CDH8: variants seen among roughly 807,000 people sequenced by gnomAD.
The protein encoded by CDH8 is cadherin-8.
In CDH8, 17 loss-of-function variants were observed where a neutral mutation model predicts 68.1. The ratio of observed to expected loss-of-function variants is 0.25; its 90% confidence interval spans 0.17 to 0.37. The LOEUF is 0.37. CDH8 is among the 10% of genes least tolerant of loss of function. The probability of loss-of-function intolerance (pLI) is 1.00; values close to 1 mark genes in which losing one functional copy is unlikely to be tolerated. For missense variants in CDH8, 763 were observed against 999.3 expected (o/e 0.76, Z 3.19); for synonymous variants, 372 against 365.1 (o/e 1.02, Z -0.21).
chr16:61,892,725 A>G (rs192713429), intron 3 of CDH8, among the ~76,000 whole-genome samples: 110 of 152,264 alleles, frequency 7.2e-4, no homozygotes, highest in African/African-American at 2.6e-3. Context: ...ACACCACATA[A>G]CAACAGGAGG....
intron 3 of CDH8, among the ~76,000 whole-genome samples, chr16:61,892,898 A>C (rs531317187): frequency 7.2e-5 from 11 of 152,280 alleles, no homozygotes; most frequent in Middle Eastern, 3.4e-3. Context: ...AGGGGAAAAA[A>C]CCAAAATGAA....
intron 4 of CDH8, among the ~76,000 whole-genome samples, chr16:61,830,550 C>T (rs935307479): frequency 6.6e-6 from 1 of 151,774 alleles, no homozygotes; most frequent in Non-Finnish European, 1.5e-5. Context: ...CGTTAAATAA[C>T]ATCCCGTTGC....
At chr16:61,661,928 G>A (rs914093947) in intron 10 of CDH8, among the ~76,000 whole-genome samples, 25 of 151,476 alleles carry the variant, frequency 1.7e-4, no homozygotes, top group Admixed American at 1.6e-3. Context: ...AGTACAAGAA[G>A]TTATAGTAGG....
chr16:61,692,388 T>C (rs1596871564), intron 10 of CDH8: 1 of 152,164 alleles, frequency 6.6e-6, no homozygotes, highest in East Asian at 1.9e-4. Flanking sequence ...GTCTATTATA[T>C]TGCTATTTTT....
At chr16:61,736,185 A>G (rs1052083955) in intron 8 of CDH8, among the ~76,000 whole-genome samples, 5 of 152,220 alleles carry the variant, frequency 3.3e-5, no homozygotes, top group African/African-American at 4.8e-5. Flanking sequence ...AGAAAGGTGG[A>G]CAATTGTTTC....
At chr16:61,882,544 A>G (rs1963597122) in intron 3 of CDH8, among the ~76,000 whole-genome samples, 1 of 152,224 alleles carries the variant, frequency 6.6e-6, no homozygotes. Flanking sequence ...AGGTGCCACA[A>G]AAAAGAATGA....
rs765144073 is a variant in CDH8 at position 61,924,965 on chromosome 16, C to G, written c.253-23492G>C. On this transcript the variant is annotated intron_variant, in intron 2 of 11. Transcript: ENST00000577390. ...ATGCAGTTGGTAATGTAAATATCAA[C>G]CAGGTAGAGGGTGTTACTCTGTATT... 1.1e-4 allele frequency among the ~76,000 whole-genome samples: 17 copies of G among 152,082 alleles called. No homozygotes were observed. The East Asian group carries it at 3.3e-3, about 29-fold the overall frequency.
chr16:61,693,340 T>C (rs1377826295), intron 10 of CDH8: 1 of 152,130 alleles, frequency 6.6e-6, no homozygotes, highest in African/African-American at 2.4e-5. Context: ...AGCAGAACTA[T>C]GCTCCTTGGT....
chr16:61,955,087 A>G (rs1231386316), intron 2 of CDH8, among the ~76,000 whole-genome samples: 1 of 152,222 alleles, frequency 6.6e-6, no homozygotes, highest in East Asian at 1.9e-4. Context: ...AAGGATTTGC[A>G]CCTAATAAAC....
intron 2 of CDH8, among the ~76,000 whole-genome samples, chr16:61,969,461 C>T (rs1028218881): frequency 5.9e-5 from 9 of 152,222 alleles, no homozygotes; most frequent in Admixed American, 1.3e-4. Context: ...AGAAGCCCTA[C>T]ATGGGCTTAT....
At chr16:61,908,404 C>T (rs1964099266) in intron 2 of CDH8, among the ~76,000 whole-genome samples, 1 of 152,134 alleles carries the variant, frequency 6.6e-6, no homozygotes, top group Admixed American at 6.5e-5. Flanking sequence ...GCTACTAGGA[C>T]AGCGAAAGGG....
At chr16:62,010,559 T>C (rs1386131708) in intron 2 of CDH8, among the ~76,000 whole-genome samples, 2 of 152,216 alleles carry the variant, frequency 1.3e-5, no homozygotes, top group East Asian at 1.9e-4. Context: ...GATGTGAAGA[T>C]TGAATAGGCA....
At chr16:61,862,327 G>A (rs186291419) in intron 3 of CDH8, among the ~76,000 whole-genome samples, 7 of 152,218 alleles carry the variant, frequency 4.6e-5, no homozygotes, top group Admixed American at 1.3e-4. Context: ...GCTAGACACC[G>A]GGCACATCAT....
At chr16:61,906,531 A>G (rs1171879043) in intron 2 of CDH8, among the ~76,000 whole-genome samples, 1 of 152,238 alleles carries the variant, frequency 6.6e-6, no homozygotes, top group Non-Finnish European at 1.5e-5. Context: ...CAGCACCATT[A>G]TACCCTCATC....
intron 1 of CDH8, among the ~76,000 whole-genome samples, chr16:62,023,424 T>A (rs1223015720): frequency 6.6e-6 from 1 of 152,162 alleles, no homozygotes; most frequent in Non-Finnish European, 1.5e-5. Context: ...CTTCAGTCTT[T>A]TCTTCTGCAA....
chr16:61,997,119 A>C (rs1338035047), intron 2 of CDH8, among the ~76,000 whole-genome samples: 1 of 152,142 alleles, frequency 6.6e-6, no homozygotes, highest in Non-Finnish European at 1.5e-5. Flanking sequence ...TCTCTAAAAA[A>C]GTCATAAAGT....
At chr16:61,733,310 T>C (rs1001376940) in intron 8 of CDH8, among the ~76,000 whole-genome samples, 2 of 151,906 alleles carry the variant, frequency 1.3e-5, no homozygotes, top group African/African-American at 4.8e-5. Flanking sequence ...TATGTTTGTA[T>C]ACAAATACAT....
chr16:61,779,956 G>A (rs1961004491), intron 8 of CDH8, among the ~76,000 whole-genome samples: 2 of 152,208 alleles, frequency 1.3e-5, no homozygotes, highest in African/African-American at 4.8e-5. Flanking sequence ...GGTGTTTAAG[G>A]ACATATATTC....
chr16:62,027,596 T>C (rs1264667425), intron 1 of CDH8, among the ~76,000 whole-genome samples: 4 of 152,190 alleles, frequency 2.6e-5, no homozygotes, highest in African/African-American at 9.6e-5. Flanking sequence ...TTTCTGACCT[T>C]GAATTTAGAG....
Sources: allele counts gnomAD v4.1 joint callset (sites outside exome capture counted in the v4.1 genomes callset), GRCh38; gene constraint gnomAD v4.1.1; transcripts MANE v1.5; gene names NCBI Gene and HGNC (gene_info 2026-07-23, HGNC 2026-07-21).